Variants in LTBP1 observed in about 807,000 individuals in gnomAD.
LTBP1 encodes the protein latent transforming growth factor beta binding protein 1.
LTBP1 carries 129 observed loss-of-function variants against 207.6 expected under a neutral mutation model. The ratio of observed to expected loss-of-function variants is 0.62; its 90% confidence interval spans 0.54 to 0.72. The LOEUF is 0.72. Among genes scored for constraint, LTBP1 ranks in the 30% least tolerant of loss-of-function variants. The probability of loss-of-function intolerance (pLI) is 0.00; values close to 1 mark genes in which losing one functional copy is unlikely to be tolerated. For missense variants in LTBP1, 2,281 were observed against 2,217.2 expected, an observed-to-expected ratio of 1.03 and a Z score of -0.58; for synonymous variants, 963 against 833.7, an observed-to-expected ratio of 1.16 and a Z score of -2.67.
intron 24 of LTBP1, among the ~76,000 whole-genome samples, chr2:33,315,668 G>T (rs778401341): frequency 1.3e-5 from 2 of 152,160 alleles, no homozygotes; most frequent in Non-Finnish European, 2.9e-5. Flanking sequence ...CTTGCGGCTG[G>T]GTGCGGTGGC....
At chr2:33,390,537 G>T (rs1211016025) in intron 32 of LTBP1, among the ~76,000 whole-genome samples, 1 of 151,518 alleles carries the variant, frequency 6.6e-6, no homozygotes, top group Non-Finnish European at 1.5e-5. Flanking sequence ...TGCCCAGGCT[G>T]GAGTGCAGTG....
At chr2:33,253,754 C>T (rs899137957) in intron 11 of LTBP1, among the ~76,000 whole-genome samples, 4 of 151,948 alleles carry the variant, frequency 2.6e-5, no homozygotes, top group African/African-American at 9.7e-5. Context: ...ATGGTTAGAA[C>T]CAGAAAGAAC....
chr2:33,299,379 A>G (rs1160588791), intron 20 of LTBP1, among the ~76,000 whole-genome samples: 1 of 152,182 alleles, frequency 6.6e-6, no homozygotes, highest in Non-Finnish European at 1.5e-5. Context: ...TTTGAAGAAA[A>G]CCACAGTCAT....
At chr2:33,285,456 T>TC (rs1483642328) in intron 19 of LTBP1, among the ~76,000 whole-genome samples, 5 of 147,830 alleles carry the variant, frequency 3.4e-5, no homozygotes, top group Non-Finnish European at 6.0e-5. Context: ...TTTTTCTTTT[T>TC]TTTTTTTTTT....
chr2:33,329,802 T>G (rs1017529572), intron 24 of LTBP1, among the ~76,000 whole-genome samples: 1 of 152,138 alleles, frequency 6.6e-6, no homozygotes, highest in Non-Finnish European at 1.5e-5. Flanking sequence ...TAAATTTTAA[T>G]GTTTTCTGCT....
intron 3 of LTBP1, among the ~76,000 whole-genome samples, chr2:33,072,797 A>C (rs1367909679): frequency 6.6e-6 from 1 of 152,228 alleles, no homozygotes; most frequent in African/African-American, 2.4e-5. Context: ...GCCATGGCAG[A>C]GGGAAAAAGT....
chr2:33,161,160 A>T (rs939538454), intron 5 of LTBP1, among the ~76,000 whole-genome samples: 2 of 152,108 alleles, frequency 1.3e-5, no homozygotes, highest in African/African-American at 4.8e-5. Context: ...GGCTATAAAG[A>T]GTAGATGACA....
chr2:33,159,386 G>A (rs2084267830), intron 5 of LTBP1, among the ~76,000 whole-genome samples: 1 of 152,170 alleles, frequency 6.6e-6, no homozygotes, highest in Non-Finnish European at 1.5e-5. Context: ...TTATCAAAAA[G>A]CTGTCACCTC....
chr2:33,335,130 G>T (rs1314541972), intron 24 of LTBP1, among the ~76,000 whole-genome samples: 5 of 146,440 alleles, frequency 3.4e-5, no homozygotes, highest in Non-Finnish European at 7.5e-5. Flanking sequence ...AAATAAATAA[G>T]TAAGTAAGTA....
At chr2:33,029,049 TTTAA>T (rs2075565200) in intron 3 of LTBP1, among the ~76,000 whole-genome samples, 1 of 152,240 alleles carries the variant, frequency 6.6e-6, no homozygotes, top group African/African-American at 2.4e-5. Context: ...TCAGACAAAC[TTTAA>T]TTATTTTTCA....
Position 33,134,008 on chromosome 2 carries a change from C to T in LTBP1, c.1034-785C>T, listed in dbSNP as rs893889295. Among the ~76,000 whole-genome samples, 1 of 152,140 alleles carries T rather than the reference C, an allele frequency of 6.6e-6. No homozygotes were observed. The highest frequency in any genetic ancestry group is 2.4e-5 in the African/African-American group (1 of 41,420). ...AGAAGGCCACGCTAATGAAAGAAAG[C>T]TCCATCCCCAGTGGCTACTCCAGGT... On this transcript the variant is annotated intron_variant, in intron 4 of 33. Coordinates refer to ENST00000404816, the MANE Select transcript of LTBP1 (RefSeq NM_206943.4). The surrounding 1 kb of genome is among the most constrained non-coding windows in gnomAD (Gnocchi z 4.4).
chr2:33,208,228 A>G (rs1443984501), intron 7 of LTBP1, among the ~76,000 whole-genome samples: 1 of 152,208 alleles, frequency 6.6e-6, no homozygotes, highest in Non-Finnish European at 1.5e-5. Context: ...GGAATAATTT[A>G]TGGGACATAC....
chr2:32,948,616 G>T (rs1052762754), intron 1 of LTBP1, among the ~76,000 whole-genome samples: 4 of 152,170 alleles, frequency 2.6e-5, no homozygotes, highest in African/African-American at 7.2e-5. Context: ...ACCATTTGTT[G>T]GGCCCTGTTC....
At chr2:33,389,993 G>A (rs923360134) in intron 32 of LTBP1, among the ~76,000 whole-genome samples, 5 of 152,166 alleles carry the variant, frequency 3.3e-5, no homozygotes, top group African/African-American at 1.2e-4. Flanking sequence ...TGGTGGACTA[G>A]TTTGAGGGCC....
chr2:33,174,739 C>T (rs1054652410), intron 5 of LTBP1, among the ~76,000 whole-genome samples: 1 of 152,154 alleles, frequency 6.6e-6, no homozygotes, highest in Non-Finnish European at 1.5e-5. Flanking sequence ...AGGCATCACA[C>T]TACCTGACTT....
At chr2:33,358,752 A>T (rs1350402323) in intron 26 of LTBP1, among the ~76,000 whole-genome samples, 1 of 152,162 alleles carries the variant, frequency 6.6e-6, no homozygotes, top group Non-Finnish European at 1.5e-5. Context: ...ATTGAGCGGA[A>T]CTGGTAGTAG....
intron 4 of LTBP1, among the ~76,000 whole-genome samples, chr2:33,129,122 G>GA (rs1032578151): frequency 6.6e-6 from 1 of 152,012 alleles, no homozygotes; most frequent in Non-Finnish European, 1.5e-5. Flanking sequence ...CAATGATGGG[G>GA]AAAAAAAAGT....
chr2:33,222,454 A>T (rs997796741), intron 9 of LTBP1, among the ~76,000 whole-genome samples: 5 of 152,204 alleles, frequency 3.3e-5, no homozygotes, highest in Non-Finnish European at 7.4e-5. Context: ...ATATCCTTTC[A>T]TGGGCGTGTG....
chr2:32,980,285 G>T (rs762681189), intron 2 of LTBP1, among the ~76,000 whole-genome samples: 1 of 151,898 alleles, frequency 6.6e-6, no homozygotes, highest in Non-Finnish European at 1.5e-5. Context: ...TTGGTATGTT[G>T]TAATTTCTCA....
Sources: gnomAD v4.1 joint callset for allele counts (sites outside exome capture counted in the v4.1 genomes callset) on GRCh38, gnomAD v4.1.1 for gene constraint, Gnocchi (gnomAD v3.1) non-coding constraint, MANE v1.5 for transcripts, NCBI Gene and HGNC (gene_info 2026-07-23, HGNC 2026-07-21) for gene names.